Variants in NEO1 observed in about 807,000 individuals in gnomAD.
NEO1 encodes neogenin 1, also known as neogenin.
In NEO1, 63 loss-of-function variants were observed where a neutral mutation model predicts 159.7. The observed-to-expected ratio is 0.39, with a 90% CI of 0.32 to 0.49. NEO1 has a LOEUF of 0.49. Among genes scored for constraint, NEO1 ranks in the 20% least tolerant of loss-of-function variants. The pLI is 0.85. For synonymous variants in NEO1, 633 were observed against 662.0 expected (o/e 0.96, Z 0.67); for missense variants, 1,615 against 1,831.0 (o/e 0.88, Z 2.15).
chr15:73,301,673 CT>C (rs772513122), intron 28 of NEO1: 39,239 of 438,746 alleles, frequency 0.089, no homozygotes, highest in South Asian at 0.15. Context: ...CATATCCACT[CT>C]TTTTTTTTTT....
chr15:73,104,027 T>C (rs1205020115), intron 1 of NEO1, among the ~76,000 whole-genome samples: 1 of 152,066 alleles, frequency 6.6e-6, no homozygotes, highest in Non-Finnish European at 1.5e-5. Context: ...GTTAATTTTT[T>C]TAAATGTATT....
chr15:73,146,835 A>C (rs1428377065), intron 5 of NEO1, among the ~76,000 whole-genome samples: 1 of 152,208 alleles, frequency 6.6e-6, no homozygotes, highest in Non-Finnish European at 1.5e-5. Flanking sequence ...AAAGACCTGA[A>C]GATTCTGCCT....
upstream of NEO1, among the ~76,000 whole-genome samples, chr15:73,052,142 C>T (rs2067462208): frequency 6.7e-6 from 1 of 149,732 alleles, no homozygotes; most frequent in African/African-American, 2.4e-5. Context: ...GCGCGCCCCG[C>T]ACCCGTCAGC....
chr15:73,139,402 G>A (rs73440073), intron 5 of NEO1, among the ~76,000 whole-genome samples: 251 of 152,202 alleles, frequency 1.6e-3, no homozygotes, highest in African/African-American at 5.8e-3. Flanking sequence ...TATGGAATGG[G>A]AGAAAATATT....
At chr15:73,237,101 C>T (rs2039219665) in intron 8 of NEO1, among the ~76,000 whole-genome samples, 1 of 152,056 alleles carries the variant, frequency 6.6e-6, no homozygotes, top group Admixed American at 6.6e-5. Flanking sequence ...TCTAGTGAAA[C>T]CAGTCTAATC....
intron 5 of NEO1, among the ~76,000 whole-genome samples, chr15:73,156,799 A>G (rs1299791145): frequency 6.6e-6 from 1 of 152,158 alleles, no homozygotes; most frequent in Non-Finnish European, 1.5e-5. Flanking sequence ...TCTGCGGAGT[A>G]GGGGCCAAGC....
intron 2 of NEO1, among the ~76,000 whole-genome samples, chr15:73,120,521 T>G (rs1018551457): frequency 1.3e-5 from 2 of 151,970 alleles, no homozygotes; most frequent in Admixed American, 1.3e-4. Context: ...TTGCTCTTCC[T>G]TAAAGAAACA....
chr15:73,233,731 A>T (rs1166403027), intron 7 of NEO1, among the ~76,000 whole-genome samples: 1 of 151,628 alleles, frequency 6.6e-6, no homozygotes, highest in African/African-American at 2.4e-5. Context: ...ATCACTCATT[A>T]CTCCCATCAC....
At position 73,273,714 on chromosome 15, in the gene NEO1, A is replaced by G. The variant is rs150230765; in HGVS notation, c.2966-97A>G. On this transcript the variant is annotated intron_variant, in intron 19 of 28. Transcript: ENST00000261908. ...GGGTACATTATTCAAATATTATGCT[A>G]TAATATTCATATGATATAATAGGTA... is the stretch of plus-strand genomic sequence containing the variant. 2.7e-5 allele frequency: 23 copies of G among 844,554 alleles called. No individual in the cohort carries two copies. In the East Asian group the frequency reaches 5.8e-4, roughly 21 times the overall value. The allele number at this position is 844,554 out of a possible 1,614,324, so 52.3% of individuals were successfully genotyped here.
chr15:73,220,067 G>A (rs2150747804), intron 7 of NEO1, among the ~76,000 whole-genome samples: 1 of 152,220 alleles, frequency 6.6e-6, no homozygotes, highest in Non-Finnish European at 1.5e-5. Context: ...GGTACCGGTT[G>A]TTCCTTTCCA....
chr15:73,082,563 A>T (rs2069124148), intron 1 of NEO1, among the ~76,000 whole-genome samples: 1 of 152,254 alleles, frequency 6.6e-6, no homozygotes, highest in Non-Finnish European at 1.5e-5. Context: ...CAGTAAGATG[A>T]AGTTCACAGA....
At position 73,229,860 on chromosome 15, in the gene NEO1, G is replaced by A. The variant is rs150824800; in HGVS notation, c.1292-6487G>A. 2.7e-3 allele frequency among the ~76,000 whole-genome samples: 408 copies of A among 152,180 alleles called. 2 individuals are homozygous for A. The highest frequency in any genetic ancestry group is 9.4e-3 in the African/African-American group (391 of 41,538). On this transcript the variant is annotated intron_variant, in intron 7 of 28. Transcript: ENST00000261908. ...TTAATTGATTTTGGAACATTAAACTGTCTTGAATTCCTATGATAAATTCTA... is the reference window on the plus strand; with the variant it reads ...TTAATTGATTTTGGAACATTAAACTATCTTGAATTCCTATGATAAATTCTA...
chr15:73,273,592 C>A (rs1316712974), intron 19 of NEO1, among the ~76,000 whole-genome samples: 2 of 152,100 alleles, frequency 1.3e-5, no homozygotes, highest in East Asian at 3.9e-4. Flanking sequence ...TGGCTCTGCC[C>A]AGGAGTTCCT....
chr15:73,263,767 A>G (rs974050134), intron 15 of NEO1, among the ~76,000 whole-genome samples: 2 of 151,834 alleles, frequency 1.3e-5, no homozygotes, highest in African/African-American at 4.8e-5. Context: ...TAAATATTCA[A>G]AAAAAAAGTA....
chr15:73,173,147 A>G (rs2035072170), intron 5 of NEO1, among the ~76,000 whole-genome samples: 1 of 152,214 alleles, frequency 6.6e-6, no homozygotes, highest in African/African-American at 2.4e-5. Context: ...GTTTTCCTGT[A>G]TCTAAAATGT....
intron 7 of NEO1, among the ~76,000 whole-genome samples, chr15:73,184,216 C>T (rs547520617): frequency 1.6e-4 from 25 of 152,148 alleles, no homozygotes; most frequent in African/African-American, 4.3e-4. Flanking sequence ...AGTACAGTGG[C>T]GCGATCTCAG....
At chr15:73,103,069 A>G (rs1159232779) in intron 1 of NEO1, among the ~76,000 whole-genome samples, 2 of 151,902 alleles carry the variant, frequency 1.3e-5, no homozygotes, top group Admixed American at 6.6e-5. Flanking sequence ...AAAATTCATC[A>G]TGTCTGCCAT....
intron 22 of NEO1, among the ~76,000 whole-genome samples, chr15:73,279,768 A>G (rs2041606512): frequency 6.6e-6 from 1 of 152,166 alleles, no homozygotes; most frequent in South Asian, 2.1e-4. Flanking sequence ...TCTAACCCGG[A>G]TCTTCAAGGA....
At chr15:73,052,144 C>G (rs1265331517), upstream of NEO1, among the ~76,000 whole-genome samples, 3 of 150,132 alleles carry the variant, frequency 2.0e-5, no homozygotes, top group African/African-American at 7.3e-5. Flanking sequence ...GCGCCCCGCA[C>G]CCGTCAGCGG....
Sources: gnomAD v4.1 joint callset for allele counts (sites outside exome capture counted in the v4.1 genomes callset) on GRCh38, gnomAD v4.1.1 for gene constraint, MANE v1.5 for transcripts, NCBI Gene and HGNC (gene_info 2026-07-23, HGNC 2026-07-21) for gene names.